Variants in ABCC4 observed in about 807,000 individuals in gnomAD.
The protein encoded by ABCC4 is ATP-binding cassette sub-family C member 4.
A neutral mutation model predicts 168.5 loss-of-function variants in ABCC4; 102 were observed. The ratio of observed to expected loss-of-function variants is 0.61; its 90% CI spans 0.52 to 0.71. The LOEUF is 0.71. ABCC4 is among the 30% of genes least tolerant of loss of function. The pLI, the probability that ABCC4 is intolerant of heterozygous loss-of-function variation, is 0.00. For missense variants in ABCC4, 1,402 were observed against 1,605.8 expected, an observed-to-expected ratio of 0.87 and a Z score of 2.17; for synonymous variants, 617 against 590.7, an observed-to-expected ratio of 1.04 and a Z score of -0.65.
rs970160658 is a variant in ABCC4, at chr13:95,073,293, C to T, written c.2929G>A (p.Gly977Arg). 6 of 1,612,988 alleles carry T rather than the reference C, an allele frequency of 3.7e-6. No homozygotes were observed. Among genetic ancestry groups the T allele is most frequent in the South Asian group, 2.2e-5 (2 of 90,868 alleles). Residue 977 changes from glycine to arginine, a missense_variant, in exon 24 of 31, where the codon GGG becomes AGG. Transcript: ENST00000645237. ...SLILAKTLDA[G>R]QVGLALSYAL... The stretch of plus-strand genomic sequence containing the variant: ...TAGGACAGTGCCAAACCAACCTGCC[C>T]GGCATCCAGAGCTACGTAAGGAGGA...
At chr13:95,264,952 T>C (rs2040630254) in intron 1 of ABCC4, among the ~76,000 whole-genome samples, 1 of 149,660 alleles carries the variant, frequency 6.7e-6, no homozygotes, top group South Asian at 2.1e-4. Flanking sequence ...CACTGCAACT[T>C]CCGCTTCCTG....
At chr13:95,026,084 A>G (rs566350049) in intron 30 of ABCC4, among the ~76,000 whole-genome samples, 11 of 152,230 alleles carry the variant, frequency 7.2e-5, no homozygotes, top group Admixed American at 1.3e-4. Flanking sequence ...TTGTAAAACT[A>G]CAAGAATTAG....
At position 95,265,317 on chromosome 13, in the gene ABCC4, G is replaced by A. The variant is rs183915450; in HGVS notation, c.75-17564C>T. Among the ~76,000 whole-genome samples the A allele has an allele frequency of 1.8e-4, 27 of 152,096 alleles. No homozygotes were observed. In the East Asian group the frequency reaches 5.2e-3, roughly 29 times the overall value. On this transcript the variant is annotated intron_variant, in intron 1 of 30. Coordinates refer to ENST00000645237, the MANE Select transcript of ABCC4 (RefSeq NM_005845.5). ...TATGCACCACTCTTGCAACTTTTCT[G>A]TCAGGTTGAATTATTTCAAAATAAA...
chr13:95,131,902 A>G (rs1729741), intron 19 of ABCC4, among the ~76,000 whole-genome samples: 27,131 of 152,036 alleles, frequency 0.18, 2,964 homozygotes, highest in African/African-American at 0.28. Context: ...AGGTCCCCAA[A>G]TTATGAAACA....
chr13:95,133,720 G>A (rs2036052227), intron 19 of ABCC4, among the ~76,000 whole-genome samples: 1 of 152,150 alleles, frequency 6.6e-6, no homozygotes, highest in African/African-American at 2.4e-5. Flanking sequence ...CGACATCTGA[G>A]GGGAGGAATG....
At chr13:95,238,557 T>C (rs976281068) in intron 3 of ABCC4, among the ~76,000 whole-genome samples, 5 of 152,164 alleles carry the variant, frequency 3.3e-5, no homozygotes, top group African/African-American at 7.2e-5. Flanking sequence ...GGAGACCCGC[T>C]GTGAAGAGCT....
rs922552156 is a variant in ABCC4 at position 95,072,385 on chromosome 13, C to T, written c.3019-532G>A. ...CTGAGGCAGGAAAATCGCTTGAACCCGGGAGGCGGAGGTTGCAGTGAGCCA... is the reference window on the plus strand; with the variant it reads ...CTGAGGCAGGAAAATCGCTTGAACCTGGGAGGCGGAGGTTGCAGTGAGCCA... On this transcript the variant is annotated intron_variant, in intron 24 of 30. Transcript: ENST00000645237. 4.6e-5 allele frequency among the ~76,000 whole-genome samples: 7 copies of T among 152,164 alleles called. No individual in the cohort carries two copies. The South Asian group carries it at 1.2e-3, about 27-fold the overall frequency.
Position 95,044,356 on chromosome 13 carries a change from C to G in ABCC4, c.3539G>C (p.Gly1180Ala). 1 of 1,613,754 alleles carries G rather than the reference C, an allele frequency of 6.2e-7. No individual in the cohort carries two copies. The highest frequency in any genetic ancestry group is 2.2e-5 in the East Asian group (1 of 44,856). Residue 1180 changes from glycine (G) to alanine (A), a missense_variant, in exon 28 of 31, where the codon GGA becomes GCA. Coordinates refer to ENST00000645237, the MANE Select transcript of ABCC4 (RefSeq NM_005845.5). ...GGCAAGGCACACCAGTTGTCTTTGT[C>G]CAACACTAAAATTGGATCCTGATTC... Reference protein sequence around the residue: ...LAESGSNFSVGQRQLVCLARA... With the variant: ...LAESGSNFSVAQRQLVCLARA...
At chr13:95,162,780 G>A (rs911986486) in intron 18 of ABCC4, among the ~76,000 whole-genome samples, 2 of 152,056 alleles carry the variant, frequency 1.3e-5, no homozygotes, top group Non-Finnish European at 2.9e-5. Flanking sequence ...GTGGAGATCC[G>A]TTTCTAATCC....
intron 25 of ABCC4, among the ~76,000 whole-genome samples, chr13:95,070,631 C>T (rs2033692356): frequency 6.6e-6 from 1 of 152,148 alleles, no homozygotes; most frequent in South Asian, 2.1e-4. Context: ...GGTGCCTTTA[C>T]TGCCTCCAGC....
intron 29 of ABCC4, among the ~76,000 whole-genome samples, chr13:95,038,629 C>T (rs972097859): frequency 1.1e-4 from 16 of 152,142 alleles, no homozygotes; most frequent in African/African-American, 3.9e-4. Flanking sequence ...TGACAGCTCA[C>T]CTATCACTTC....
chr13:95,246,906 C>T (rs2040119824), intron 3 of ABCC4, 69 bp downstream of exon 3: 16 of 1,540,318 alleles, frequency 1.0e-5, no homozygotes, highest in Non-Finnish European at 1.3e-5. Flanking sequence ...CATTACAGCA[C>T]CAGTCAATGG....
At chr13:95,101,978 A>T (rs2034825511) in intron 20 of ABCC4, among the ~76,000 whole-genome samples, 1 of 152,186 alleles carries the variant, frequency 6.6e-6, no homozygotes, top group South Asian at 2.1e-4. Context: ...TTTTATCCTC[A>T]CAATAACCCT....
intron 13 of ABCC4, among the ~76,000 whole-genome samples, chr13:95,173,637 G>A (rs1447717731): frequency 1.3e-5 from 2 of 152,148 alleles, no homozygotes. Context: ...GACTGCAAAG[G>A]GCAATTTGCC....
chr13:95,219,858 G>GC lies in ABCC4; in HGVS notation c.532-9078dup, dbSNP rs1555332833. Among the ~76,000 whole-genome samples the GC allele has an allele frequency of 3.0e-5, 3 of 101,250 alleles. No homozygotes were observed. The East Asian group carries it at 8.7e-4, about 30-fold the overall frequency. The allele number at this position is 101,250 out of a possible 152,430, so 66.4% of individuals were successfully genotyped here. Reference sequence around the variant, plus strand: ...TTTTTATCATGTTTTTCTTCTTTCTGCTTTTTTTTTCCCCCCGAGACAGTT... The same window carrying GC: ...TTTTTATCATGTTTTTCTTCTTTCTGCCTTTTTTTTTCCCCCCGAGACAGTT... On this transcript the variant is annotated intron_variant, in intron 4 of 30. Coordinates refer to ENST00000645237, the MANE Select transcript of ABCC4 (RefSeq NM_005845.5).
intron 19 of ABCC4, 140 bp from the exon 20 acceptor site, chr13:95,116,141 G>A (rs1174269578): frequency 9.7e-6 from 5 of 515,186 alleles, no homozygotes; most frequent in Non-Finnish European, 6.5e-6. Context: ...CGATGTCAGT[G>A]GTAAAGAAAA....
Position 95,071,737 on chromosome 13 carries a change from A to G in ABCC4, c.3135T>C (p.Asn1045=), listed in dbSNP as rs372801568. 35 of 1,604,808 alleles carry G rather than the reference A, an allele frequency of 2.2e-5. 1 individual carries two copies. The East Asian group carries it at 4.3e-4, about 20-fold the overall frequency. The change falls in exon 25 of 31, where the codon AAT becomes AAC. Residue 1045 remains asparagine, a synonymous_variant. Coordinates refer to ENST00000645237, the MANE Select transcript of ABCC4 (RefSeq NM_005845.5). ...CACCTGGACTGTACATGAAGTTCAC[A>G]TTGTCAAAGATTATCACTCCTTCAT... ...WPHEGVIIFD[N]VNFMYSPGGP... is the part of the protein sequence containing the mutation.
chr13:95,071,830 A>G lies in ABCC4; in HGVS notation c.3042T>C (p.Ile1014=). Residue 1014 remains isoleucine (I), a synonymous_variant, in exon 25 of 31, where the codon ATT becomes ATC. Transcript: ENST00000645237. ...CTTCTTTTTCAAGGTCTGTGTATTC[A>G]ATGACCCTTTCTACTGAGATCATCT... ...ENMMISVERV[I]EYTDLEKEAP... is the part of the protein sequence containing the mutation. The G allele has an allele frequency of 6.3e-7, 1 of 1,584,496 alleles. No homozygotes were observed. The highest frequency in any genetic ancestry group is 8.6e-7 in the Non-Finnish European group (1 of 1,168,292).
At chr13:95,093,847 A>G (rs1262626664) in intron 20 of ABCC4, among the ~76,000 whole-genome samples, 1 of 152,214 alleles carries the variant, frequency 6.6e-6, no homozygotes, top group East Asian at 1.9e-4. Context: ...ATTAATGTAC[A>G]CAAATCAGTA....
Sources: allele counts gnomAD v4.1 joint callset (sites outside exome capture counted in the v4.1 genomes callset), GRCh38; gene constraint gnomAD v4.1.1; transcripts MANE v1.5; gene names NCBI Gene and HGNC (gene_info 2026-07-23, HGNC 2026-07-21).